EDARADD: variants seen among roughly 807,000 people sequenced by gnomAD.
EDARADD encodes ectodysplasin-A receptor-associated adapter protein.
A neutral mutation model predicts 25.6 loss-of-function variants in EDARADD; 20 were observed. That is an observed-to-expected ratio of 0.78 (90% CI 0.55 to 1.14). The LOEUF (loss-of-function observed/expected upper bound fraction) is 1.14, where lower values mean the gene tolerates loss of function less well. Ranked by LOEUF, EDARADD falls within the 50% of genes most tolerant of loss-of-function variation. The pLI, the probability that EDARADD is intolerant of heterozygous loss-of-function variation, is 0.00. For synonymous variants in EDARADD, 86 were observed against 94.4 expected (o/e 0.91, Z 0.52); for missense variants, 225 against 270.1 (o/e 0.83, Z 1.17).
chr1:236,394,526 T>C, intron 1 of EDARADD, 21 bp downstream of exon 1: 1 of 1,609,620 alleles, frequency 6.2e-7, no homozygotes, highest in African/African-American at 1.3e-5. Context: ...ATTTGCTGTC[T>C]TCCTGGATTT....
chr1:236,428,460 T>C (rs928271713), intron 4 of EDARADD, among the ~76,000 whole-genome samples: 1 of 152,188 alleles, frequency 6.6e-6, no homozygotes, highest in African/African-American at 2.4e-5. Context: ...ATCGTCATCA[T>C]GGCCTGTTCT....
chr1:236,400,720 A>ATTT (rs55864840), intron 1 of EDARADD, among the ~76,000 whole-genome samples: 57,649 of 120,684 alleles, frequency 0.48, 16,045 homozygotes, highest in Non-Finnish European at 0.65. Context: ...ACACCCGGCT[A>ATTT]TTTTTTTTTT....
chr1:236,466,756 A>G (rs1217680058), intron 4 of EDARADD, among the ~76,000 whole-genome samples: 1 of 152,182 alleles, frequency 6.6e-6, no homozygotes, highest in Non-Finnish European at 1.5e-5. Context: ...GAAGATTAAG[A>G]GAGAAAGATT....
chr1:236,351,221 C>T (rs1334982180), intron 3 of EDARADD, among the ~76,000 whole-genome samples: 2 of 152,114 alleles, frequency 1.3e-5, no homozygotes, highest in Non-Finnish European at 2.9e-5. Flanking sequence ...TCTATGCTCT[C>T]GGGAAGCAAT....
At chr1:236,467,451 C>CACACAT (rs982349565) in intron 4 of EDARADD, among the ~76,000 whole-genome samples, 3 of 149,498 alleles carry the variant, frequency 2.0e-5, no homozygotes, top group Non-Finnish European at 4.4e-5. Context: ...CACACACACA[C>CACACAT]ACACATACAC....
At chr1:236,466,408 C>A (rs1223920587) in intron 4 of EDARADD, among the ~76,000 whole-genome samples, 2 of 141,864 alleles carry the variant, frequency 1.4e-5, no homozygotes, top group Non-Finnish European at 3.0e-5. Context: ...TCATCTGTTT[C>A]TCTCTTTCTC....
chr1:236,452,415 C>CG (rs1476803891), intron 4 of EDARADD, among the ~76,000 whole-genome samples: 1 of 152,158 alleles, frequency 6.6e-6, no homozygotes, highest in African/African-American at 2.4e-5. Context: ...GATTGGATCA[C>CG]GGGGGTGGTT....
intron 4 of EDARADD, among the ~76,000 whole-genome samples, chr1:236,431,927 C>CAAAAAAAAAAAAA (rs1170622280): frequency 1.1e-4 from 2 of 17,990 alleles, no homozygotes; most frequent in East Asian, 1.4e-3. Flanking sequence ...GACTCCGTCT[C>CAAAAAAAAAAAAA]AAAAAAAAAA....
chr1:236,376,350 T>C (rs1188808269), intron 3 of EDARADD, among the ~76,000 whole-genome samples: 1 of 152,222 alleles, frequency 6.6e-6, no homozygotes, highest in Non-Finnish European at 1.5e-5. Context: ...GCGTGACTAC[T>C]GGCAAGAAAT....
At chr1:236,355,078 A>C (rs1666958448) in intron 3 of EDARADD, among the ~76,000 whole-genome samples, 1 of 152,134 alleles carries the variant, frequency 6.6e-6, no homozygotes, top group Non-Finnish European at 1.5e-5. Flanking sequence ...CGATATCACA[A>C]AGCTCTCCTT....
intron 3 of EDARADD, among the ~76,000 whole-genome samples, chr1:236,376,337 C>T (rs574324545): frequency 1.2e-3 from 180 of 152,234 alleles, no homozygotes; most frequent in Non-Finnish European, 2.1e-3. Context: ...GCATTTCTTC[C>T]AAGCGTGACT....
At position 236,482,418 on chromosome 1, in the gene EDARADD, G is replaced by A. The variant is rs954823206; in HGVS notation, c.417G>A (p.Trp139Ter). Residue 139 changes from tryptophan to a stop codon, truncating the protein, a stop_gained, in exon 6 of 6, where the codon TGG (tryptophan) becomes TGA (stop). Coordinates refer to ENST00000334232, the MANE Select transcript of EDARADD (RefSeq NM_145861.4). LOFTEE classifies it high-confidence loss of function. ...CGTGTCACCCAACGGTGAAAAACTG[G>A]AGGAATTTTGCAAGCAAATGGGGGA... ...LDPCHPTVKN[W>*]RNFASKWGMS... The A allele has an allele frequency of 3.7e-6, 6 of 1,614,062 alleles. No homozygotes were observed. In the Admixed American group the frequency reaches 8.3e-5, roughly 22 times the overall value.
At chr1:236,449,635 C>T (rs1658655380) in intron 4 of EDARADD, among the ~76,000 whole-genome samples, 1 of 152,182 alleles carries the variant, frequency 6.6e-6, no homozygotes, top group Non-Finnish European at 1.5e-5. Flanking sequence ...CCTATGCATT[C>T]TCTTTTGTTC....
intron 4 of EDARADD, among the ~76,000 whole-genome samples, chr1:236,433,024 G>A (rs1206144784): frequency 6.6e-6 from 1 of 151,982 alleles, no homozygotes; most frequent in Non-Finnish European, 1.5e-5. Context: ...AATGTAAGAT[G>A]TTCATAATAA....
Position 236,468,336 on chromosome 1 carries a change from A to C in EDARADD, c.265+60A>C, listed in dbSNP as rs139065133. On this transcript the variant is annotated intron_variant, in intron 5 of 5. Transcript: ENST00000334232. ...AGCTAGTGTGGCTGAATAAAAGATA[A>C]TTTGAGGCCAGGGTCGGTGACTCAT... The C allele has an allele frequency of 5.9e-4, 920 of 1,572,102 alleles. 2 individuals are homozygous for C. In the African/African-American group the frequency reaches 0.011, roughly 19 times the overall value.
chr1:236,414,546 G>A lies in EDARADD; in HGVS notation c.160+247G>A, dbSNP rs75999832. Among the ~76,000 whole-genome samples the A allele has an allele frequency of 0.033, 5,029 of 152,048 alleles. 261 individuals are homozygous for A. The highest frequency in any genetic ancestry group is 0.11 in the African/African-American group (4,716 of 41,444). On this transcript the variant is annotated intron_variant, in intron 3 of 5. Coordinates refer to ENST00000334232, the MANE Select transcript of EDARADD (RefSeq NM_145861.4). ...TAAATTATTCCATAACAAATTATGC[G>A]TTAAATTCCTGTGGTGTTTTTAACA...
chr1:236,403,289 TTC>T (rs1197180780), intron 1 of EDARADD, among the ~76,000 whole-genome samples: 10 of 150,908 alleles, frequency 6.6e-5, no homozygotes, highest in African/African-American at 2.4e-4. Flanking sequence ...CTTTTTTCTT[TTC>T]TTTTTTCTTT....
chr1:236,483,434 T>A lies in EDARADD; in HGVS notation c.*785T>A, dbSNP rs1571964542. On this transcript the variant is annotated 3_prime_UTR_variant, in exon 6 of 6. Coordinates refer to ENST00000334232, the MANE Select transcript of EDARADD (RefSeq NM_145861.4). ...TGAACGTCACAGAACAAGAGAAGAT[T>A]GACAAACTTATGATAGAGATGGATG... 1 of 1,115,590 alleles carries A rather than the reference T, an allele frequency of 9.0e-7. No homozygotes were observed. The highest frequency in any genetic ancestry group is 1.4e-6 in the Non-Finnish European group (1 of 727,990). 69.1% of individuals were successfully genotyped at this position (1,115,590 alleles called of 1,614,324 possible).
intron 4 of EDARADD, among the ~76,000 whole-genome samples, chr1:236,450,746 A>G (rs546100174): frequency 1.3e-5 from 2 of 152,230 alleles, no homozygotes; most frequent in Admixed American, 6.5e-5. Flanking sequence ...ACGGGGTTTC[A>G]CCATGTTGGC....
Sources: gnomAD v4.1 joint callset for allele counts (sites outside exome capture counted in the v4.1 genomes callset) on GRCh38, gnomAD v4.1.1 for gene constraint, MANE v1.5 for transcripts, NCBI Gene and HGNC (gene_info 2026-07-23, HGNC 2026-07-21) for gene names.